Variants in SLC6A7 observed in about 807,000 individuals in gnomAD.
The protein encoded by SLC6A7 is sodium-dependent proline transporter.
SLC6A7 carries 58 observed loss-of-function variants against 73.1 expected under a neutral mutation model. The observed-to-expected ratio is 0.79, with a 90% CI of 0.64 to 0.99. The LOEUF is 0.99. Among genes scored for constraint, SLC6A7 ranks in the 50% least tolerant of loss-of-function variants. The pLI, the probability that SLC6A7 is intolerant of heterozygous loss-of-function variation, is 0.00. For missense variants in SLC6A7, 783 were observed against 831.4 expected (o/e 0.94, Z 0.72); for synonymous variants, 338 against 338.7 (o/e 1.00, Z 0.02).
At position 150,193,619 on chromosome 5, in the gene SLC6A7, G is replaced by A. The variant is rs542053133; in HGVS notation, c.34-1109G>A. On this transcript the variant is annotated intron_variant, in intron 1 of 13. Coordinates refer to ENST00000230671, the MANE Select transcript of SLC6A7 (RefSeq NM_014228.5). The stretch of plus-strand genomic sequence containing the variant: ...CTTAGTAGGCCCCATTTGAGCCACG[G>A]AGCATCAGTGGATTCCCTCCCTCAG... Among the ~76,000 whole-genome samples the A allele has an allele frequency of 3.9e-5, 6 of 152,238 alleles. No individual in the cohort carries two copies. In the South Asian group the frequency reaches 1.0e-3, roughly 26 times the overall value.
At chr5:150,190,580 G>A (rs1195453821) in intron 1 of SLC6A7, among the ~76,000 whole-genome samples, 1 of 152,196 alleles carries the variant, frequency 6.6e-6, no homozygotes, top group Non-Finnish European at 1.5e-5. Context: ...TATGAGGGGA[G>A]TCCTGGTTCA....
intron 1 of SLC6A7, among the ~76,000 whole-genome samples, chr5:150,190,986 T>C (rs1320875769): frequency 6.6e-6 from 1 of 152,076 alleles, no homozygotes; most frequent in Non-Finnish European, 1.5e-5. Flanking sequence ...AGAGTGGCTG[T>C]GGGCCCAGAC....
At chr5:150,208,474 G>A (rs1292915586) in intron 13 of SLC6A7, among the ~76,000 whole-genome samples, 1 of 152,194 alleles carries the variant, frequency 6.6e-6, no homozygotes, top group East Asian at 1.9e-4. Context: ...CAGGGGCCAG[G>A]AGCTGGAGGC....
chr5:150,199,085 TG>T (rs985004653), intron 4 of SLC6A7, 142 bp from the exon 5 acceptor site: 12 of 1,116,660 alleles, frequency 1.1e-5, no homozygotes, highest in African/African-American at 1.6e-5. Context: ...GGGTCAGAGT[TG>T]GTCGGAGAAG....
chr5:150,198,101 AAGAAAGAAAGAAAG>A (rs1562085302), intron 4 of SLC6A7, among the ~76,000 whole-genome samples: 54 of 105,898 alleles, frequency 5.1e-4, no homozygotes, highest in South Asian at 2.3e-3. Context: ...GAAAGAAAGA[AAGAAAGAAAGAAAG>A]AGAAAGAAAG....
chr5:150,194,395 C>T (rs1490755087), intron 1 of SLC6A7, among the ~76,000 whole-genome samples: 3 of 149,972 alleles, frequency 2.0e-5, no homozygotes, highest in Admixed American at 2.0e-4. Context: ...TACCACTGCA[C>T]TCCAGGCTGG....
chr5:150,195,198 T>C, intron 2 of SLC6A7: 2 of 332,542 alleles, frequency 6.0e-6, no homozygotes, highest in South Asian at 6.9e-5. Flanking sequence ...CAGAGGGAGC[T>C]GCCTCTGCTT....
rs185041360 is a variant in SLC6A7, at chr5:150,194,290, G to A, written c.34-438G>A. 1.1e-4 allele frequency among the ~76,000 whole-genome samples: 16 copies of A among 152,164 alleles called. No homozygotes were observed. The South Asian group carries it at 1.5e-3, about 14-fold the overall frequency. ...TAAAAATACAAAACATTAGCCGGGC[G>A]TGGTGGTGGGCGCCTGTAGTCCCAG... On this transcript the variant is annotated intron_variant, in intron 1 of 13. Coordinates refer to ENST00000230671, the MANE Select transcript of SLC6A7 (RefSeq NM_014228.5).
At position 150,190,233 on chromosome 5, in the gene SLC6A7, C is replaced by CA. The variant is rs1332379865; in HGVS notation, c.-95_-94insA. The stretch of plus-strand genomic sequence containing the variant: ...CCCGCCCCAGCCGGTGCGCGGGAGC[C>CA]GCGGGGGCAAAGGCGCAGTGGCCAG... On this transcript the variant is annotated 5_prime_UTR_variant, in exon 1 of 14. Coordinates refer to ENST00000230671, the MANE Select transcript of SLC6A7 (RefSeq NM_014228.5). 9.1e-7 allele frequency: 1 copy of CA among 1,093,328 alleles called. No individual in the cohort carries two copies. The highest frequency in any genetic ancestry group is 3.2e-5 in the East Asian group (1 of 31,328). The allele number at this position is 1,093,328 out of a possible 1,614,324, so 67.7% of individuals were successfully genotyped here.
rs1562108895 is a variant in SLC6A7 at position 150,209,931 on chromosome 5, T to C, written c.*316T>C. ...CCCCAGGTCGCATGGCAGAGGGGAC[T>C]TGAACCCACGCCTCCTGACCAGCCA... On this transcript the variant is annotated 3_prime_UTR_variant, in exon 14 of 14. Coordinates refer to ENST00000230671, the MANE Select transcript of SLC6A7 (RefSeq NM_014228.5). The C allele has an allele frequency of 3.1e-5, 12 of 381,718 alleles. No individual in the cohort carries two copies. The highest frequency in any genetic ancestry group is 4.4e-5 in the Non-Finnish European group (9 of 202,920). The allele number at this position is 381,718 out of a possible 1,614,324, so 23.6% of individuals were successfully genotyped here. A position where few individuals can be genotyped will look rare whatever the true frequency, so the allele number is the denominator to read the frequency against.
intron 1 of SLC6A7, among the ~76,000 whole-genome samples, chr5:150,191,521 C>T (rs1752784853): frequency 6.6e-6 from 1 of 150,990 alleles, no homozygotes; most frequent in Non-Finnish European, 1.5e-5. Context: ...AGCTCTGCCT[C>T]CCGGGTTCAC....
At chr5:150,196,966 C>A in intron 3 of SLC6A7, 76 bp from the exon 4 acceptor site, 1 of 1,534,088 alleles carries the variant, frequency 6.5e-7, no homozygotes, top group African/African-American at 1.4e-5. Flanking sequence ...AGATAGCTGC[C>A]AGCTCCCCAG....
rs1355558340 is a variant in SLC6A7 at position 150,204,025 on chromosome 5, T to C, written c.1319T>C (p.Ile440Thr). Reference sequence around the variant, plus strand: ...GTGGCCATGTACCTGATGGGGCTGATCCTCACCACTGATGTGAGTGGCGCT... The same window carrying C: ...GTGGCCATGTACCTGATGGGGCTGACCCTCACCACTGATGTGAGTGGCGCT... ...ICVAMYLMGL[I>T]LTTDGGMYWL... The change falls in exon 10 of 14, where the codon ATC becomes ACC. Residue 440 changes from isoleucine to threonine, a missense_variant. By Grantham distance (89) the Ile-to-Thr change is moderately conservative. Transcript: ENST00000230671. 3 of 1,613,332 alleles carry C rather than the reference T, an allele frequency of 1.9e-6. No individual in the cohort carries two copies. The highest frequency in any genetic ancestry group is 2.5e-6 in the Non-Finnish European group (3 of 1,179,702).
intron 13 of SLC6A7, among the ~76,000 whole-genome samples, chr5:150,207,238 T>C (rs923709807): frequency 6.6e-6 from 1 of 152,008 alleles, no homozygotes; most frequent in East Asian, 1.9e-4. Flanking sequence ...TAGTATCCAA[T>C]AGGCAGGTTT....
At chr5:150,204,296 A>T (rs1216116661) in intron 10 of SLC6A7, among the ~76,000 whole-genome samples, 1 of 152,102 alleles carries the variant, frequency 6.6e-6, no homozygotes, top group Non-Finnish European at 1.5e-5. Flanking sequence ...AGGATAAATG[A>T]TTTCCCCTCC....
chr5:150,202,606 C>G lies in SLC6A7; in HGVS notation c.990C>G (p.Asn330Lys), dbSNP rs563622979. The change falls in exon 8 of 14, where the codon AAC becomes AAG. Residue 330 changes from asparagine to lysine, a missense_variant. Coordinates refer to ENST00000230671, the MANE Select transcript of SLC6A7 (RefSeq NM_014228.5). ...ACACTTTCATCGTCACTCTGGGCAA[C>G]GCCATCACCAGCATCCTGGCTGGCT... The part of the protein sequence containing the change: ...YRDTFIVTLG[N>K]AITSILAGFA... The G allele has an allele frequency of 6.2e-7, 1 of 1,614,118 alleles. No homozygotes were observed.
At position 150,204,543 on chromosome 5, in the gene SLC6A7, C is replaced by T; in HGVS notation, c.1344C>T (p.Tyr448=). The part of the protein sequence containing the change: ...GLILTTDGGM[Y]WLVLLDDYSA... ...TGCTTGTGTTTTAGGGGGGCATGTA[C>T]TGGCTGGTCCTTCTGGATGACTACA... The change falls in exon 11 of 14, where the codon TAC becomes TAT. Residue 448 remains tyrosine, a synonymous_variant. Coordinates refer to ENST00000230671, the MANE Select transcript of SLC6A7 (RefSeq NM_014228.5). 6.2e-7 allele frequency: 1 copy of T among 1,613,668 alleles called. No homozygotes were observed. The highest frequency in any genetic ancestry group is 8.5e-7 in the Non-Finnish European group (1 of 1,179,512).
In SLC6A7 at chr5:150,190,380, G is replaced by C. The variant is rs1752719781; in HGVS notation, c.33+20G>C. The C allele has an allele frequency of 1.4e-6, 2 of 1,480,676 alleles. No individual in the cohort carries two copies. The highest frequency in any genetic ancestry group is 2.6e-5 in the Admixed American group (1 of 38,394). The allele number at this position is 1,480,676 out of a possible 1,614,324, so 91.7% of individuals were successfully genotyped here. A position where few individuals can be genotyped will look rare whatever the true frequency, so the allele number is the denominator to read the frequency against. ...CGCAAGGTAGGGCACGAGGGCGGGG[G>C]CGCTGGGGGTGCACCTGGAGGAGGG... On this transcript the variant is annotated intron_variant, in intron 1 of 13. Coordinates refer to ENST00000230671, the MANE Select transcript of SLC6A7 (RefSeq NM_014228.5).
chr5:150,196,637 C>T (rs1300008921), intron 2 of SLC6A7, 79 bp from the exon 3 acceptor site: 1 of 1,431,664 alleles, frequency 7.0e-7, no homozygotes, highest in Non-Finnish European at 9.6e-7. Context: ...ATCTGCAGGC[C>T]AGGGGAGGGG....
Sources: gnomAD v4.1 joint callset for allele counts (sites outside exome capture counted in the v4.1 genomes callset) on GRCh38, gnomAD v4.1.1 for gene constraint, MANE v1.5 for transcripts, NCBI Gene and HGNC (gene_info 2026-07-23, HGNC 2026-07-21) for gene names.